The following KLF12 variants were observed in gnomAD, a reference collection of about 807,000 sequenced individuals.
KLF12 encodes Krueppel-like factor 12.
Under a neutral mutation model 37.8 loss-of-function variants are expected in KLF12, and 9 were observed. That is an observed-to-expected ratio of 0.24 (90% CI 0.14 to 0.42). The LOEUF (loss-of-function observed/expected upper bound fraction) is 0.42, where lower values mean the gene tolerates loss of function less well. KLF12 is among the 10% of genes least tolerant of loss of function. The probability of loss-of-function intolerance (pLI) is 1.00; values close to 1 mark genes in which losing one functional copy is unlikely to be tolerated. For synonymous variants in KLF12, 208 were observed against 202.1 expected (o/e 1.03, Z -0.25); for missense variants, 411 against 516.0 (o/e 0.80, Z 1.97).
intron 4 of KLF12, among the ~76,000 whole-genome samples, chr13:73,826,277 A>G (rs888420323): frequency 6.6e-6 from 1 of 152,106 alleles, no homozygotes; most frequent in Non-Finnish European, 1.5e-5. Flanking sequence ...CTGGCCCTTC[A>G]GCATTTTTAT....
At chr13:73,795,748 T>C (rs528781486) in intron 5 of KLF12, among the ~76,000 whole-genome samples, 3 of 152,138 alleles carry the variant, frequency 2.0e-5, no homozygotes, top group Non-Finnish European at 4.4e-5. Context: ...GACAGGACTG[T>C]TACAAAAGAA....
chr13:74,066,743 T>C (rs1873938998), intron 1 of KLF12, among the ~76,000 whole-genome samples: 1 of 152,160 alleles, frequency 6.6e-6, no homozygotes, highest in Non-Finnish European at 1.5e-5. Flanking sequence ...GGATTTTGCT[T>C]AACATTTAAA....
intron 4 of KLF12, among the ~76,000 whole-genome samples, chr13:73,818,902 A>T (rs1883377572): frequency 6.6e-6 from 1 of 152,198 alleles, no homozygotes; most frequent in African/African-American, 2.4e-5. Flanking sequence ...CGCCCTGCCA[A>T]GGCTGAAACA....
intron 2 of KLF12, 100 bp downstream of exon 2, chr13:73,994,890 G>A (rs569698478): frequency 1.2e-5 from 10 of 803,684 alleles, no homozygotes; most frequent in Middle Eastern, 2.2e-4. Flanking sequence ...CCTCTGTCTC[G>A]TATTCACACA....
At chr13:73,958,279 T>A (rs923825627) in intron 2 of KLF12, among the ~76,000 whole-genome samples, 1 of 152,112 alleles carries the variant, frequency 6.6e-6, no homozygotes, top group Non-Finnish European at 1.5e-5. Flanking sequence ...AGTCTCACTC[T>A]GTCGCCCAGG....
At chr13:73,987,720 G>A (rs1891861785) in intron 2 of KLF12, among the ~76,000 whole-genome samples, 1 of 136,322 alleles carries the variant, frequency 7.3e-6, no homozygotes, top group African/African-American at 2.7e-5. Flanking sequence ...GAAAGTGGGG[G>A]GGTAGAGGAA....
At chr13:73,792,428 C>T (rs1287167946) in intron 5 of KLF12, among the ~76,000 whole-genome samples, 3 of 151,942 alleles carry the variant, frequency 2.0e-5, no homozygotes, top group African/African-American at 7.3e-5. Flanking sequence ...CATTTTGTTT[C>T]AATTAGAGAG....
chr13:73,722,211 A>G (rs768262385), intron 6 of KLF12, among the ~76,000 whole-genome samples: 1 of 152,154 alleles, frequency 6.6e-6, no homozygotes, highest in South Asian at 2.1e-4. Context: ...ATCAAACACC[A>G]CCCTGGGAAT....
chr13:74,101,107 T>C (rs754301446), intron 1 of KLF12, among the ~76,000 whole-genome samples: 2 of 152,122 alleles, frequency 1.3e-5, no homozygotes, highest in East Asian at 1.9e-4. Context: ...TCCCAGAATA[T>C]GTCTTCCCCT....
chr13:73,876,053 C>G (rs1886687476), intron 3 of KLF12, among the ~76,000 whole-genome samples: 1 of 151,616 alleles, frequency 6.6e-6, no homozygotes, highest in African/African-American at 2.4e-5. Flanking sequence ...TGATAAATTA[C>G]TGCAAACATA....
At chr13:73,707,096 T>C (rs1055051673) in intron 7 of KLF12, among the ~76,000 whole-genome samples, 3 of 152,068 alleles carry the variant, frequency 2.0e-5, no homozygotes, top group African/African-American at 7.2e-5. Context: ...ACGGTTCCAG[T>C]GAAGAGAGAA....
chr13:73,714,124 G>A (rs576004290), intron 7 of KLF12, among the ~76,000 whole-genome samples: 13 of 152,182 alleles, frequency 8.5e-5, no homozygotes, highest in African/African-American at 3.1e-4. Context: ...GCTCAGAATC[G>A]TAGAAAAGGA....
intron 3 of KLF12, among the ~76,000 whole-genome samples, chr13:73,917,871 T>TA (rs1274887407): frequency 6.6e-6 from 1 of 151,554 alleles, no homozygotes; most frequent in Non-Finnish European, 1.5e-5. Flanking sequence ...TCAAACTAAG[T>TA]AAAAAATTCT....
intron 2 of KLF12, among the ~76,000 whole-genome samples, chr13:73,969,472 GACATGCCTAC>G (rs1891266931): frequency 6.6e-6 from 1 of 152,062 alleles, no homozygotes; most frequent in South Asian, 2.1e-4. Flanking sequence ...TTCACTTTAG[GACATGCCTAC>G]AATGAGCTTA....
chr13:73,886,430 A>G lies in KLF12; in HGVS notation c.124-40057T>C, dbSNP rs1003300100. ...AATATGGCACACAGCTACAGCAGCT[A>G]TTTTTGTGTAAGGTGAACAGCCATA... On this transcript the variant is annotated intron_variant, in intron 3 of 7. Transcript: ENST00000377669. 3.9e-4 allele frequency among the ~76,000 whole-genome samples: 59 copies of G among 152,292 alleles called. 1 individual carries two copies. Among genetic ancestry groups the G allele is most frequent in the Non-Finnish European group, 2.1e-4 (14 of 68,016 alleles).
the KLF12 span, among the ~76,000 whole-genome samples, chr13:74,204,318 G>A: frequency 2.6e-5 from 4 of 152,164 alleles, no homozygotes; most frequent in African/African-American, 7.2e-5. Flanking sequence ...TAAATGTAAG[G>A]GTTACAAGTG....
chr13:74,300,457 C>T, the KLF12 span, among the ~76,000 whole-genome samples: 1 of 152,044 alleles, frequency 6.6e-6, no homozygotes, highest in Non-Finnish European at 1.5e-5. Context: ...AAGGACAAAG[C>T]TGTAAAATTC....
intron 6 of KLF12, among the ~76,000 whole-genome samples, chr13:73,730,672 A>G (rs1343474633): frequency 3.3e-5 from 5 of 152,144 alleles, no homozygotes; most frequent in African/African-American, 9.7e-5. Flanking sequence ...ACACCAACAA[A>G]TAAGTCTTGA....
chr13:74,298,583 G>A, the KLF12 span, among the ~76,000 whole-genome samples: 12 of 152,012 alleles, frequency 7.9e-5, no homozygotes, highest in Non-Finnish European at 1.6e-4. Context: ...GTTAGGAGTA[G>A]GAAAAAAGAA....
Sources: gnomAD v4.1 joint callset for allele counts (sites outside exome capture counted in the v4.1 genomes callset) on GRCh38, gnomAD v4.1.1 for gene constraint, MANE v1.5 for transcripts, NCBI Gene and HGNC (gene_info 2026-07-23, HGNC 2026-07-21) for gene names.